Variants in RGS5 observed in about 807,000 individuals in gnomAD.
RGS5 encodes the protein regulator of G-protein signalling 5.
Under a neutral mutation model 18.9 loss-of-function variants are expected in RGS5, and 20 were observed. The ratio of observed to expected loss-of-function variants is 1.06; its 90% CI spans 0.74 to 1.54. The LOEUF is 1.54. Ranked by LOEUF, RGS5 falls within the 40% of genes most tolerant of loss-of-function variation. The pLI is 0.00. For synonymous variants in RGS5, 57 were observed against 76.2 expected (o/e 0.75, Z 1.31); for missense variants, 201 against 211.8 (o/e 0.95, Z 0.32).
At chr1:163,153,465 G>A (rs1657456905) in intron 3 of RGS5, among the ~76,000 whole-genome samples, 1 of 152,038 alleles carries the variant, frequency 6.6e-6, no homozygotes, top group Non-Finnish European at 1.5e-5. Flanking sequence ...GTGGGAAAGG[G>A]CCAGATGAAG....
At chr1:163,225,049 TA>T (rs1205449984) in intron 2 of RGS5, among the ~76,000 whole-genome samples, 1 of 152,216 alleles carries the variant, frequency 6.6e-6, no homozygotes, top group Non-Finnish European at 1.5e-5. Flanking sequence ...CCTATTGGTC[TA>T]TTCTTACTTT....
intron 1 of RGS5, among the ~76,000 whole-genome samples, chr1:163,315,651 G>A (rs1047562356): frequency 2.6e-5 from 4 of 152,082 alleles, no homozygotes; most frequent in African/African-American, 4.8e-5. Context: ...AATTCCATGC[G>A]AGTCCTTAAC....
intron 2 of RGS5, chr1:163,260,685 A>G (rs1259541224): frequency 6.6e-6 from 1 of 151,796 alleles, no homozygotes; most frequent in Admixed American, 6.6e-5. Flanking sequence ...AAAAAAAACA[A>G]TATTAGTGAA....
intron 1 of RGS5, among the ~76,000 whole-genome samples, chr1:163,313,030 T>C (rs554450837): frequency 6.6e-6 from 1 of 152,162 alleles, no homozygotes; most frequent in Non-Finnish European, 1.5e-5. Flanking sequence ...AATAAAAATA[T>C]AACAGGGTGA....
At chr1:163,232,958 T>C (rs969366771) in intron 2 of RGS5, among the ~76,000 whole-genome samples, 1 of 152,224 alleles carries the variant, frequency 6.6e-6, no homozygotes, top group East Asian at 1.9e-4. Flanking sequence ...ATTCAGCCTA[T>C]GTTCACATTT....
intron 2 of RGS5, among the ~76,000 whole-genome samples, chr1:163,301,697 G>T (rs1460069884): frequency 6.6e-6 from 1 of 152,052 alleles, no homozygotes; most frequent in Admixed American, 6.6e-5. Context: ...CTTCACTCTG[G>T]CTTTCACAGG....
chr1:163,257,417 C>A (rs1390989807), intron 2 of RGS5, among the ~76,000 whole-genome samples: 1 of 151,956 alleles, frequency 6.6e-6, no homozygotes, highest in Non-Finnish European at 1.5e-5. Flanking sequence ...CAGTTTTGTT[C>A]TTTCTGAGAT....
intron 2 of RGS5, among the ~76,000 whole-genome samples, chr1:163,251,009 T>C (rs1040000051): frequency 6.6e-6 from 1 of 152,210 alleles, no homozygotes; most frequent in Non-Finnish European, 1.5e-5. Context: ...GAAAGCACTG[T>C]GCAAAGAACT....
chr1:163,290,681 A>T (rs1649261172), intron 2 of RGS5, among the ~76,000 whole-genome samples: 2 of 152,122 alleles, frequency 1.3e-5, no homozygotes, highest in Admixed American at 1.3e-4. Context: ...TGAATATTTC[A>T]AAGATCTCAC....
At chr1:163,189,846 A>T (rs1219721870) in intron 1 of RGS5, among the ~76,000 whole-genome samples, 1 of 152,240 alleles carries the variant, frequency 6.6e-6, no homozygotes, top group Non-Finnish European at 1.5e-5. Flanking sequence ...CAGGAGTCTC[A>T]TGCACCGTGG....
chr1:163,185,922 C>A (rs575669004), intron 1 of RGS5, among the ~76,000 whole-genome samples: 1 of 152,184 alleles, frequency 6.6e-6, no homozygotes, highest in South Asian at 2.1e-4. Context: ...GGGGTTAAAA[C>A]AAGGTAATGA....
In RGS5 at chr1:163,144,442, T is replaced by C. The variant is rs77727053; in HGVS notation, c.*2900A>G. Reference sequence around the variant, plus strand: ...TACAGGCAACTACCTGGGCTAATCTTAGGTTTTTTTCTCAAGAGTGAGAAC... The same window carrying C: ...TACAGGCAACTACCTGGGCTAATCTCAGGTTTTTTTCTCAAGAGTGAGAAC... On this transcript the variant is annotated 3_prime_UTR_variant, in exon 5 of 5. Coordinates refer to ENST00000313961, the MANE Select transcript of RGS5 (RefSeq NM_003617.4). 6.6e-6 allele frequency: 1 copy of C among 152,392 alleles called. No homozygotes were observed. Among genetic ancestry groups the C allele is most frequent in the African/African-American group, 2.4e-5 (1 of 41,554 alleles). The allele number at this position is 152,392 out of a possible 1,614,324, so 9.4% of individuals were successfully genotyped here.
intron 2 of RGS5, among the ~76,000 whole-genome samples, 176 bp downstream of exon 2, chr1:163,168,082 C>A (rs191219328): frequency 3.2e-4 from 49 of 151,596 alleles, no homozygotes; most frequent in Non-Finnish European, 5.3e-4. Context: ...ATGCTCCAGA[C>A]ATGAGATAGT....
intron 1 of RGS5, among the ~76,000 whole-genome samples, chr1:163,208,479 A>ACTC (rs1660009591): frequency 7.8e-6 from 1 of 128,092 alleles, no homozygotes; most frequent in Non-Finnish European, 1.6e-5. Flanking sequence ...GATAGTGTAC[A>ACTC]CTCCAACCCT....
intron 2 of RGS5, among the ~76,000 whole-genome samples, chr1:163,243,555 G>A (rs1043854638): frequency 6.8e-6 from 1 of 145,992 alleles, no homozygotes; most frequent in African/African-American, 2.6e-5. Context: ...GCTGAGGCAG[G>A]AGAATGGCGT....
chr1:163,175,174 G>A (rs1037140221), intron 1 of RGS5, among the ~76,000 whole-genome samples: 3 of 152,072 alleles, frequency 2.0e-5, no homozygotes, highest in Non-Finnish European at 4.4e-5. Flanking sequence ...AGCCGTCAAT[G>A]TCCACAGCCG....
intron 2 of RGS5, among the ~76,000 whole-genome samples, chr1:163,258,645 C>CTGTG (rs113301415): frequency 0.018 from 2,637 of 148,376 alleles, 37 homozygotes; most frequent in South Asian, 0.051. Context: ...GTAAGTGTGT[C>CTGTG]TGTGTGTGTG....
chr1:163,247,582 T>TTACA (rs1553223594), intron 2 of RGS5, among the ~76,000 whole-genome samples: 2 of 147,596 alleles, frequency 1.4e-5, no homozygotes, highest in African/African-American at 5.0e-5. Context: ...AGAAGTTGAT[T>TTACA]TATATATATA....
intron 4 of RGS5, among the ~76,000 whole-genome samples, chr1:163,149,480 T>C (rs1172870210): frequency 1.3e-5 from 2 of 152,164 alleles, no homozygotes; most frequent in Non-Finnish European, 2.9e-5. Flanking sequence ...CTCTAGGACA[T>C]AGTATCCACC....
Sources: allele counts gnomAD v4.1 joint callset (sites outside exome capture counted in the v4.1 genomes callset), GRCh38; gene constraint gnomAD v4.1.1; transcripts MANE v1.5; gene names NCBI Gene and HGNC (gene_info 2026-07-23, HGNC 2026-07-21).